The following MTX2 variants were observed in gnomAD, a reference collection of about 807,000 sequenced individuals.
The protein encoded by MTX2 is metaxin 2.
In MTX2, 35 loss-of-function variants were observed where a neutral mutation model predicts 42.3. That is an observed-to-expected ratio of 0.83 (90% CI 0.63 to 1.10). MTX2 has a LOEUF of 1.10. MTX2 is among the 50% of genes least tolerant of loss of function. The pLI is 0.00. For synonymous variants in MTX2, 119 were observed against 100.9 expected (o/e 1.18, Z -1.08); for missense variants, 307 against 304.1 (o/e 1.01, Z -0.07).
In MTX2 at chr2:176,269,685, G is replaced by A. The variant is rs1338925709; in HGVS notation, c.40+16G>A. On this transcript the variant is annotated intron_variant, in intron 1 of 9. Transcript: ENST00000249442. ...CAGATTGCAGGTAGCGCGGCTGGCC[G>A]CAGACCCAGAAGGTGGCGGCGCGGT... is the stretch of plus-strand genomic sequence containing the variant. 3 of 1,589,382 alleles carry A rather than the reference G, an allele frequency of 1.9e-6. No homozygotes were observed. Among genetic ancestry groups the A allele is most frequent in the East Asian group, 2.3e-5 (1 of 43,710 alleles).
At chr2:176,297,076 CA>C (rs2105413565) in intron 2 of MTX2, among the ~76,000 whole-genome samples, 169 bp downstream of exon 2, 1 of 152,158 alleles carries the variant, frequency 6.6e-6, no homozygotes, top group Non-Finnish European at 1.5e-5. Context: ...CAGTGTAAAC[CA>C]ACTATTCATG....
chr2:176,333,614 A>G (rs1014435450), intron 9 of MTX2, among the ~76,000 whole-genome samples: 3 of 151,706 alleles, frequency 2.0e-5, no homozygotes, highest in African/African-American at 7.2e-5. Flanking sequence ...AATATGCTTT[A>G]AAGGTTAGTG....
chr2:176,327,945 T>C (rs1684749882), intron 5 of MTX2, among the ~76,000 whole-genome samples: 1 of 151,140 alleles, frequency 6.6e-6, no homozygotes, highest in African/African-American at 2.4e-5. Context: ...CTTTGACCAC[T>C]TTATAAACAG....
intron 9 of MTX2, among the ~76,000 whole-genome samples, chr2:176,332,885 A>G (rs1684894732): frequency 6.6e-6 from 1 of 151,414 alleles, no homozygotes; most frequent in African/African-American, 2.4e-5. Context: ...TAAATGTGAA[A>G]TAATGAATAA....
intron 1 of MTX2, among the ~76,000 whole-genome samples, chr2:176,293,113 G>A (rs1693363704): frequency 1.3e-5 from 2 of 152,122 alleles, no homozygotes; most frequent in African/African-American, 2.4e-5. Context: ...GTTATTTATT[G>A]TAATAATACT....
intron 1 of MTX2, among the ~76,000 whole-genome samples, chr2:176,280,080 G>GC (rs1693042326): frequency 1.3e-5 from 2 of 152,084 alleles, no homozygotes; most frequent in South Asian, 4.2e-4. Context: ...GAATAATGTA[G>GC]CAACTGCCAT....
chr2:176,301,758 A>C (rs139129654), intron 3 of MTX2, among the ~76,000 whole-genome samples: 2 of 152,164 alleles, frequency 1.3e-5, no homozygotes, highest in Non-Finnish European at 2.9e-5. Context: ...TTCTTAGTAA[A>C]TTATATCTTA....
chr2:176,328,191 T>C (rs1684756269), intron 5 of MTX2, 102 bp from the exon 6 acceptor site: 1 of 609,156 alleles, frequency 1.6e-6, no homozygotes, highest in Admixed American at 3.1e-5. Context: ...GGACGTTTAA[T>C]TCATTGTATA....
At chr2:176,287,794 G>A (rs1336530559) in intron 1 of MTX2, among the ~76,000 whole-genome samples, 1 of 151,700 alleles carries the variant, frequency 6.6e-6, no homozygotes, top group African/African-American at 2.4e-5. Context: ...TTCTGCTTCA[G>A]GATTTCTATT....
chr2:176,302,458 A>T (rs1275721856), intron 3 of MTX2, among the ~76,000 whole-genome samples: 1 of 151,934 alleles, frequency 6.6e-6, no homozygotes, highest in Non-Finnish European at 1.5e-5. Flanking sequence ...TTTTTTTGAG[A>T]TGGAGTCTAG....
intron 1 of MTX2, among the ~76,000 whole-genome samples, chr2:176,280,423 G>T (rs917280362): frequency 6.6e-6 from 1 of 152,122 alleles, no homozygotes; most frequent in African/African-American, 2.4e-5. Flanking sequence ...GTCTTAACTG[G>T]CAAGTTACTT....
intron 3 of MTX2, among the ~76,000 whole-genome samples, chr2:176,318,563 G>C (rs764673814): frequency 2.6e-5 from 4 of 152,102 alleles, no homozygotes; most frequent in Non-Finnish European, 5.9e-5. Flanking sequence ...TTAGCAATTG[G>C]AGTTGCTCAG....
intron 3 of MTX2, 135 bp from the exon 4 acceptor site, chr2:176,323,257 T>G: frequency 1.4e-6 from 1 of 700,618 alleles, no homozygotes; most frequent in Non-Finnish European, 2.4e-6. Context: ...ATCCTTCACT[T>G]TAAATTGGTT....
chr2:176,280,731 G>C (rs1693059971), intron 1 of MTX2, among the ~76,000 whole-genome samples: 1 of 152,200 alleles, frequency 6.6e-6, no homozygotes, highest in Non-Finnish European at 1.5e-5. Context: ...CCACAAGTCA[G>C]TCAATGTTGC....
intron 3 of MTX2, among the ~76,000 whole-genome samples, chr2:176,315,907 A>G (rs1453517778): frequency 1.3e-5 from 2 of 152,142 alleles, no homozygotes; most frequent in African/African-American, 2.4e-5. Flanking sequence ...TGACTACCCT[A>G]TATTTAATAG....
At chr2:176,337,082 A>G (rs955426527) in intron 9 of MTX2, among the ~76,000 whole-genome samples, 1 of 152,094 alleles carries the variant, frequency 6.6e-6, no homozygotes. Flanking sequence ...AATACACACA[A>G]TCTAAATGAT....
intron 1 of MTX2, among the ~76,000 whole-genome samples, chr2:176,289,332 T>G (rs184881555): frequency 5.3e-5 from 8 of 152,086 alleles, no homozygotes; most frequent in African/African-American, 1.9e-4. Flanking sequence ...TAAATACTTA[T>G]GAGTTTCTTT....
chr2:176,306,816 C>A (rs540378109), intron 3 of MTX2, among the ~76,000 whole-genome samples: 1 of 151,954 alleles, frequency 6.6e-6, no homozygotes, highest in Non-Finnish European at 1.5e-5. Flanking sequence ...AGCCCTTTGT[C>A]GGATGGGTAG....
chr2:176,288,257 C>T (rs1450911184), intron 1 of MTX2, among the ~76,000 whole-genome samples: 1 of 151,928 alleles, frequency 6.6e-6, no homozygotes, highest in Non-Finnish European at 1.5e-5. Context: ...TATTTTAAGT[C>T]TAAACATCTT....
Sources: gnomAD v4.1 joint callset for allele counts (sites outside exome capture counted in the v4.1 genomes callset) on GRCh38, gnomAD v4.1.1 for gene constraint, MANE v1.5 for transcripts, NCBI Gene and HGNC (gene_info 2026-07-23, HGNC 2026-07-21) for gene names.